L3MBTL3: variants seen among roughly 807,000 people sequenced by gnomAD.
L3MBTL3 encodes L3MBTL histone methyl-lysine binding protein 3, also known as lethal(3)malignant brain tumor-like protein 3.
L3MBTL3 carries 27 observed loss-of-function variants against 102.3 expected under a neutral mutation model. The observed-to-expected ratio is 0.26, with a 90% CI of 0.19 to 0.36. The LOEUF (loss-of-function observed/expected upper bound fraction) is 0.36, where lower values mean the gene tolerates loss of function less well. Ranked by LOEUF, L3MBTL3 falls within the 10% of genes least tolerant of loss-of-function variation. The pLI is 1.00. For synonymous variants in L3MBTL3, 340 were observed against 320.9 expected (o/e 1.06, Z -0.64); for missense variants, 798 against 955.3 (o/e 0.84, Z 2.17).
intron 2 of L3MBTL3, among the ~76,000 whole-genome samples, chr6:130,040,687 T>C (rs1584302181): frequency 1.3e-5 from 2 of 152,210 alleles, no homozygotes; most frequent in East Asian, 3.8e-4. Context: ...CTTCATTAAT[T>C]TTTGACAAAA....
intron 2 of L3MBTL3, among the ~76,000 whole-genome samples, chr6:130,039,527 C>A (rs975143662): frequency 1.3e-5 from 2 of 151,812 alleles, no homozygotes; most frequent in African/African-American, 4.8e-5. Flanking sequence ...TATTGGCTTT[C>A]AGACTTTTTG....
At chr6:130,063,136 T>C (rs1316385611) in intron 10 of L3MBTL3, among the ~76,000 whole-genome samples, 1 of 152,168 alleles carries the variant, frequency 6.6e-6, no homozygotes, top group South Asian at 2.1e-4. Context: ...CCAGAGTATA[T>C]GTGGAGATCC....
chr6:130,065,447 T>C (rs1285228285), intron 10 of L3MBTL3, among the ~76,000 whole-genome samples: 3 of 152,232 alleles, frequency 2.0e-5, no homozygotes, highest in Non-Finnish European at 2.9e-5. Flanking sequence ...TTCTGTGTTA[T>C]GTGTTCTACC....
At chr6:130,029,519 A>AT (rs888530368) in intron 2 of L3MBTL3, among the ~76,000 whole-genome samples, 1 of 151,864 alleles carries the variant, frequency 6.6e-6, no homozygotes, top group Non-Finnish European at 1.5e-5. Context: ...TGGCAGTTAA[A>AT]TTTTTTTTCT....
Position 130,094,371 on chromosome 6 carries a change from T to C in L3MBTL3, c.1736+4T>C, listed in dbSNP as rs765544936. 35 of 1,604,848 alleles carry C rather than the reference T, an allele frequency of 2.2e-5. 1 individual carries two copies. Among genetic ancestry groups the C allele is most frequent in the Admixed American group, 8.4e-5 (5 of 59,872 alleles). On this transcript the variant is annotated splice_donor_region_variant and intron_variant, in intron 18 of 22. Coordinates refer to ENST00000361794, the MANE Select transcript of L3MBTL3 (RefSeq NM_032438.4). Reference sequence around the variant, plus strand: ...CGAGACATCTGGGCCCTCACAGGTATGTGGTAGCTGTCACTCACTTGGTCA... The same window carrying C: ...CGAGACATCTGGGCCCTCACAGGTACGTGGTAGCTGTCACTCACTTGGTCA...
chr6:130,079,643 T>G (rs1269354240), intron 14 of L3MBTL3, among the ~76,000 whole-genome samples: 2 of 152,140 alleles, frequency 1.3e-5, no homozygotes, highest in African/African-American at 4.8e-5. Flanking sequence ...AGAGAGAGGA[T>G]GAGTCCTGGG....
chr6:130,086,136 G>T lies in L3MBTL3; in HGVS notation c.1408-4G>T, dbSNP rs1231194302. The stretch of plus-strand genomic sequence containing the variant: ...TCACTCTGTAAAATTTTTTTTTGTG[G>T]CAGAAACCTCCTCATGGATTCCAGA... On this transcript the variant is annotated splice_region_variant and splice_polypyrimidine_tract_variant and intron_variant, in intron 15 of 22. Coordinates refer to ENST00000361794, the MANE Select transcript of L3MBTL3 (RefSeq NM_032438.4). 6.2e-7 allele frequency: 1 copy of T among 1,601,800 alleles called. No homozygotes were observed. The highest frequency in any genetic ancestry group is 8.5e-7 in the Non-Finnish European group (1 of 1,171,528).
chr6:130,067,197 A>G (rs1160299150), intron 11 of L3MBTL3, among the ~76,000 whole-genome samples: 4 of 151,958 alleles, frequency 2.6e-5, no homozygotes, highest in African/African-American at 9.7e-5. Flanking sequence ...CACTGCAGCC[A>G]CTGCCTAGCA....
chr6:130,019,062 TG>T (rs1178908683), intron 1 of L3MBTL3, among the ~76,000 whole-genome samples: 1 of 148,524 alleles, frequency 6.7e-6, no homozygotes, highest in Non-Finnish European at 1.5e-5. Flanking sequence ...GGGAAGGGTG[TG>T]GGGGGCCGTG....
intron 19 of L3MBTL3, among the ~76,000 whole-genome samples, chr6:130,118,823 A>G (rs1166879060): frequency 6.6e-6 from 1 of 152,118 alleles, no homozygotes; most frequent in Non-Finnish European, 1.5e-5. Context: ...CTCTTTTGGG[A>G]TAGGTTATGT....
At chr6:130,070,783 CT>C (rs774204472) in intron 12 of L3MBTL3, 192 bp from the exon 13 acceptor site, 4,476 of 109,996 alleles carry the variant, frequency 0.041, 32 homozygotes, top group Admixed American at 0.083. Flanking sequence ...ACAGTAGGAC[CT>C]TTTTTTTTTT....
intron 13 of L3MBTL3, among the ~76,000 whole-genome samples, chr6:130,071,932 TA>T (rs1483497821): frequency 1.3e-5 from 2 of 152,138 alleles, no homozygotes; most frequent in African/African-American, 4.8e-5. Context: ...TTGCATTGTT[TA>T]AAAAAGAAGA....
chr6:130,050,195 C>T (rs957961378), intron 5 of L3MBTL3, among the ~76,000 whole-genome samples: 4 of 152,200 alleles, frequency 2.6e-5, no homozygotes, highest in Admixed American at 6.5e-5. Flanking sequence ...AGGAACTTAA[C>T]GTAGATTGCT....
chr6:130,063,497 TG>T lies in L3MBTL3; in HGVS notation c.865-2855del, dbSNP rs1177809379. 2.0e-5 allele frequency among the ~76,000 whole-genome samples: 3 copies of T among 152,302 alleles called. 1 individual carries two copies. Among genetic ancestry groups the T allele is most frequent in the South Asian group, 4.1e-4 (2 of 4,820 alleles). On this transcript the variant is annotated intron_variant, in intron 10 of 22. Transcript: ENST00000361794. The stretch of plus-strand genomic sequence containing the variant: ...AGTAGTTACGCTCCACAAATTACCT[TG>T]TGTGGAACCATTGCTCTTAGGGGAA...
Position 130,074,582 on chromosome 6 carries a change from C to T in L3MBTL3, c.1244+3455C>T, listed in dbSNP as rs540031301. ...CTGCAGCCTCCTTCCTGATTATCTG[C>T]CTGAAGGTTGGGCTCTGGGGCAGAA... On this transcript the variant is annotated intron_variant, in intron 13 of 22. Transcript: ENST00000361794. Among the ~76,000 whole-genome samples the T allele has an allele frequency of 1.5e-4, 23 of 152,326 alleles. No individual in the cohort carries two copies. The South Asian group carries it at 3.3e-3, about 22-fold the overall frequency.
chr6:130,089,397 C>A (rs1242429654), intron 16 of L3MBTL3, among the ~76,000 whole-genome samples: 4 of 152,094 alleles, frequency 2.6e-5, no homozygotes, highest in African/African-American at 9.7e-5. Context: ...GACATGAACT[C>A]ATCCTTTTTT....
At chr6:130,033,530 T>C (rs1187057848) in intron 2 of L3MBTL3, among the ~76,000 whole-genome samples, 2 of 152,224 alleles carry the variant, frequency 1.3e-5, no homozygotes, top group African/African-American at 4.8e-5. Context: ...GTAATGATTT[T>C]AGGGTTAGTA....
intron 19 of L3MBTL3, among the ~76,000 whole-genome samples, chr6:130,108,219 G>GGTTT: frequency 1.9e-5 from 2 of 104,212 alleles, no homozygotes; most frequent in Non-Finnish European, 2.4e-5. Context: ...AATGTTAGGT[G>GGTTT]GTTTTTTTTT....
chr6:130,052,539 T>C (rs1282393510), intron 6 of L3MBTL3, among the ~76,000 whole-genome samples: 1 of 152,256 alleles, frequency 6.6e-6, no homozygotes, highest in Non-Finnish European at 1.5e-5. Context: ...AAATAATCAA[T>C]TCTTTTATTA....
Sources: allele counts gnomAD v4.1 joint callset (sites outside exome capture counted in the v4.1 genomes callset), GRCh38; gene constraint gnomAD v4.1.1; transcripts MANE v1.5; gene names NCBI Gene and HGNC (gene_info 2026-07-23, HGNC 2026-07-21).